The following LDAH variants were observed in gnomAD, a reference collection of about 807,000 sequenced individuals.
The protein encoded by LDAH is lipid droplet associated hydrolase.
Under a neutral mutation model 29.6 loss-of-function variants are expected in LDAH, and 26 were observed. The observed-to-expected ratio is 0.88, with a 90% confidence interval of 0.64 to 1.22. The LOEUF is 1.22. Ranked by LOEUF, LDAH falls within the 50% of genes most tolerant of loss-of-function variation. The pLI, the probability that LDAH is intolerant of heterozygous loss-of-function variation, is 0.00. For synonymous variants in LDAH, 117 were observed against 133.0 expected, an observed-to-expected ratio of 0.88 and a Z score of 0.83; for missense variants, 344 against 387.3, an observed-to-expected ratio of 0.89 and a Z score of 0.94.
At chr2:20,788,499 G>A (rs1038351984) in intron 3 of LDAH, among the ~76,000 whole-genome samples, 2 of 152,152 alleles carry the variant, frequency 1.3e-5, no homozygotes, top group African/African-American at 4.8e-5. Flanking sequence ...ACAGGCTTTT[G>A]TATGTTCAAC....
At chr2:20,773,315 A>G (rs958416618) in intron 4 of LDAH, among the ~76,000 whole-genome samples, 2 of 142,394 alleles carry the variant, frequency 1.4e-5, no homozygotes, top group African/African-American at 2.5e-5. Flanking sequence ...CAGACAGACT[A>G]AAAAAAAAAA....
chr2:20,740,217 A>C lies in LDAH; in HGVS notation c.469-12T>G. On this transcript the variant is annotated splice_polypyrimidine_tract_variant and intron_variant, in intron 4 of 6. Coordinates refer to ENST00000237822, the MANE Select transcript of LDAH (RefSeq NM_021925.4). ...AAGGCACGAATTACCTGCAATAAAGAAGCATACTTTGATGAGAGGTTTTCT... is the reference window on the plus strand; with the variant it reads ...AAGGCACGAATTACCTGCAATAAAGCAGCATACTTTGATGAGAGGTTTTCT... 2 of 1,576,286 alleles carry C rather than the reference A, an allele frequency of 1.3e-6. No individual in the cohort carries two copies. Among genetic ancestry groups the C allele is most frequent in the African/African-American group, 1.3e-5 (1 of 74,182 alleles).
chr2:20,738,976 T>C (rs765179224), intron 5 of LDAH, among the ~76,000 whole-genome samples: 2 of 152,214 alleles, frequency 1.3e-5, no homozygotes, highest in African/African-American at 2.4e-5. Flanking sequence ...CTGTTATCAT[T>C]AACAAGGGCA....
At chr2:20,769,264 A>T (rs1280935529) in intron 4 of LDAH, among the ~76,000 whole-genome samples, 1 of 152,200 alleles carries the variant, frequency 6.6e-6, no homozygotes, top group Non-Finnish European at 1.5e-5. Flanking sequence ...TGAGCTTCCC[A>T]GGTAGAAGAC....
chr2:20,758,785 G>T (rs1452608143), intron 4 of LDAH, among the ~76,000 whole-genome samples: 2 of 152,032 alleles, frequency 1.3e-5, no homozygotes, highest in African/African-American at 4.8e-5. Flanking sequence ...CTCAACAAAG[G>T]CACATAGATA....
intron 4 of LDAH, among the ~76,000 whole-genome samples, chr2:20,760,755 A>G (rs1366559194): frequency 6.6e-6 from 1 of 152,186 alleles, no homozygotes; most frequent in Non-Finnish European, 1.5e-5. Context: ...CTTCTGCAAG[A>G]CAGGCCTTAC....
chr2:20,779,800 T>TA (rs112858027), intron 3 of LDAH, among the ~76,000 whole-genome samples: 2,322 of 152,072 alleles, frequency 0.015, 60 homozygotes, highest in African/African-American at 0.048. Context: ...AAAATAAATT[T>TA]AAAAAAAAGA....
At chr2:20,697,494 C>A (rs540226651) in intron 6 of LDAH, among the ~76,000 whole-genome samples, 1 of 152,296 alleles carries the variant, frequency 6.6e-6, no homozygotes, top group East Asian at 1.9e-4. Context: ...AACTGGTGCC[C>A]CTGAACTGGC....
chr2:20,790,725 C>A (rs926858119), intron 2 of LDAH, among the ~76,000 whole-genome samples: 2 of 152,124 alleles, frequency 1.3e-5, no homozygotes. Context: ...AAGAAGCATG[C>A]ACAGGGAGAG....
At chr2:20,782,469 A>G (rs1670262125) in intron 3 of LDAH, among the ~76,000 whole-genome samples, 1 of 152,184 alleles carries the variant, frequency 6.6e-6, no homozygotes, top group Admixed American at 6.5e-5. Context: ...TATGTCCCTC[A>G]AGGATATTGA....
chr2:20,726,856 A>G (rs1666055423), intron 5 of LDAH, among the ~76,000 whole-genome samples: 1 of 152,230 alleles, frequency 6.6e-6, no homozygotes, highest in South Asian at 2.1e-4. Context: ...TTTAAAAAAT[A>G]ATGCAACTTT....
Position 20,686,239 on chromosome 2 carries a change from G to A in LDAH, c.*664C>T, listed in dbSNP as rs983694171. ...GTCCTGTGGCAGGAGGCACAGTTGG[G>A]GTCCTTCAACAATTCTTTATCTGGT... On this transcript the variant is annotated 3_prime_UTR_variant, in exon 7 of 7. Coordinates refer to ENST00000237822, the MANE Select transcript of LDAH (RefSeq NM_021925.4). 6.5e-6 allele frequency: 1 copy of A among 152,826 alleles called. No homozygotes were observed. Among genetic ancestry groups the A allele is most frequent in the Non-Finnish European group, 1.5e-5 (1 of 68,430 alleles). The allele number at this position is 152,826 out of a possible 1,614,324, so 9.5% of individuals were successfully genotyped here. A position where few individuals can be genotyped will look rare whatever the true frequency, so the allele number is the denominator to read the frequency against.
intron 4 of LDAH, among the ~76,000 whole-genome samples, chr2:20,771,177 A>G (rs1669386275): frequency 6.6e-6 from 1 of 152,198 alleles, no homozygotes; most frequent in African/African-American, 2.4e-5. Flanking sequence ...ATATTAAAAT[A>G]CAGGTCAGAC....
chr2:20,804,239 G>C (rs1288967876), intron 1 of LDAH, among the ~76,000 whole-genome samples: 1 of 152,158 alleles, frequency 6.6e-6, no homozygotes, highest in East Asian at 1.9e-4. Context: ...ATGCAATGTT[G>C]GCTAGGTTGT....
rs548478627 is a variant in LDAH, at chr2:20,686,054, G to A, written c.*849C>T. ...TTTGGCTCATTGATGGTCTTTAATG[G>A]AGTTTTAGTGCAAGAATTACAGAAG... On this transcript the variant is annotated 3_prime_UTR_variant, in exon 7 of 7. Coordinates refer to ENST00000237822, the MANE Select transcript of LDAH (RefSeq NM_021925.4). 6.2e-6 allele frequency: 1 copy of A among 161,532 alleles called. No homozygotes were observed. The highest frequency in any genetic ancestry group is 1.8e-4 in the East Asian group (1 of 5,430). The allele number at this position is 161,532 out of a possible 1,614,324, so 10.0% of individuals were successfully genotyped here.
intron 6 of LDAH, among the ~76,000 whole-genome samples, chr2:20,689,709 A>G (rs1459393031): frequency 1.3e-5 from 2 of 152,242 alleles, no homozygotes; most frequent in Admixed American, 6.5e-5. Flanking sequence ...GGAATAGGAT[A>G]GGGAACAGTC....
intron 5 of LDAH, among the ~76,000 whole-genome samples, chr2:20,728,302 CAGAG>C (rs1415820044): frequency 1.3e-5 from 2 of 152,186 alleles, no homozygotes; most frequent in East Asian, 3.9e-4. Flanking sequence ...AGTCAAGCCA[CAGAG>C]AAACAGGTCT....
At chr2:20,744,551 C>T (rs559186205) in intron 4 of LDAH, among the ~76,000 whole-genome samples, 2 of 152,184 alleles carry the variant, frequency 1.3e-5, no homozygotes, top group East Asian at 1.9e-4. Flanking sequence ...TAGGTATTTC[C>T]CTTCCCTTGG....
At chr2:20,727,099 C>T (rs1369513382) in intron 5 of LDAH, among the ~76,000 whole-genome samples, 2 of 152,112 alleles carry the variant, frequency 1.3e-5, no homozygotes, top group Non-Finnish European at 2.9e-5. Context: ...CAGCTGGGGC[C>T]GGGCATGACG....
Sources: allele counts gnomAD v4.1 joint callset (sites outside exome capture counted in the v4.1 genomes callset), GRCh38; gene constraint gnomAD v4.1.1; transcripts MANE v1.5; gene names NCBI Gene and HGNC (gene_info 2026-07-23, HGNC 2026-07-21).